PI16: variants seen among roughly 807,000 people sequenced by gnomAD.
PI16 encodes peptidase inhibitor 16.
In PI16, 35 loss-of-function variants were observed where a neutral mutation model predicts 38.0. That is an observed-to-expected ratio of 0.92 (90% CI 0.70 to 1.22). The LOEUF is 1.22. PI16 is among the 50% of genes most tolerant of loss of function. The pLI, the probability that PI16 is intolerant of heterozygous loss-of-function variation, is 0.00. For synonymous variants in PI16, 275 were observed against 252.9 expected, an observed-to-expected ratio of 1.09 and a Z score of -0.83; for missense variants, 572 against 593.8, an observed-to-expected ratio of 0.96 and a Z score of 0.38.
chr6:36,953,658 G>T (rs1315497389), upstream of PI16, among the ~76,000 whole-genome samples: 3 of 152,048 alleles, frequency 2.0e-5, no homozygotes, highest in African/African-American at 7.2e-5. Flanking sequence ...ATTCATTGAA[G>T]AAGCAGGCTT....
intron 1 of PI16, among the ~76,000 whole-genome samples, chr6:36,948,845 A>G (rs1337911915): frequency 6.9e-6 from 1 of 145,684 alleles, no homozygotes; most frequent in African/African-American, 2.6e-5. Flanking sequence ...CCCGGGCTGG[A>G]GTGCAGTGGC....
chr6:36,949,533 G>A (rs1261974208), intron 1 of PI16, among the ~76,000 whole-genome samples: 3 of 152,156 alleles, frequency 2.0e-5, no homozygotes, highest in African/African-American at 7.2e-5. Context: ...AACACCCTGG[G>A]ACAGCTGCCC....
intron 1 of PI16, among the ~76,000 whole-genome samples, chr6:36,957,796 T>C (rs1347830371): frequency 6.6e-6 from 1 of 152,218 alleles, no homozygotes; most frequent in Non-Finnish European, 1.5e-5. Context: ...CAAGTATCTG[T>C]TGAGCACCTA....
At chr6:36,952,305 T>G (rs892065023), upstream of PI16, among the ~76,000 whole-genome samples, 1 of 152,226 alleles carries the variant, frequency 6.6e-6, no homozygotes, top group Non-Finnish European at 1.5e-5. Context: ...CCGAAAGTTC[T>G]TAATTTTAAT....
At chr6:36,952,645 C>A (rs141966358), upstream of PI16, among the ~76,000 whole-genome samples, 7 of 152,258 alleles carry the variant, frequency 4.6e-5, no homozygotes, top group African/African-American at 1.7e-4. Flanking sequence ...CTATTCTATT[C>A]CATTAGTCTA....
chr6:36,959,529 C>T (rs1763298573), intron 2 of PI16, among the ~76,000 whole-genome samples, 163 bp downstream of exon 2: 1 of 152,242 alleles, frequency 6.6e-6, no homozygotes, highest in Non-Finnish European at 1.5e-5. Flanking sequence ...AAATCTTGTC[C>T]TCTCACTGCA....
intron 1 of PI16, among the ~76,000 whole-genome samples, chr6:36,956,787 C>G (rs1010930708): frequency 6.6e-6 from 1 of 152,140 alleles, no homozygotes; most frequent in Non-Finnish European, 1.5e-5. Flanking sequence ...AGAAGAATGC[C>G]TGGCACACAG....
chr6:36,963,976 A>AT lies in PI16; in HGVS notation c.*18+14_*18+15insT, dbSNP rs1373088300. The AT allele has an allele frequency of 2.1e-5, 34 of 1,598,060 alleles. No individual in the cohort carries two copies. The highest frequency in any genetic ancestry group is 2.7e-5 in the Non-Finnish European group (32 of 1,173,368). On this transcript the variant is annotated intron_variant, in intron 6 of 6. Coordinates refer to ENST00000373674, the MANE Select transcript of PI16 (RefSeq NM_153370.3). Reference sequence around the variant, plus strand: ...TACCACTCAAAGGCAAGGCCTGGTGAGGGGGGCCCTGGCCTCATACCCACC... The same window carrying AT: ...TACCACTCAAAGGCAAGGCCTGGTGATGGGGGGCCCTGGCCTCATACCCACC...
intron 1 of PI16, among the ~76,000 whole-genome samples, chr6:36,956,644 T>C (rs1201462040): frequency 6.6e-6 from 1 of 152,246 alleles, no homozygotes; most frequent in Non-Finnish European, 1.5e-5. Flanking sequence ...TTATTAGCTT[T>C]GTGACCTTGG....
rs984049270 is a variant in PI16 at position 36,962,455 on chromosome 6, C to A, written c.593-480C>A. ...CAACTGTGTCAATCACCAGAAGTAA[C>A]GTTTCTTTTCTTTTCTTTTTTCTTT... On this transcript the variant is annotated intron_variant, in intron 4 of 6. Transcript: ENST00000373674. The surrounding 1 kb of genome is among the most constrained non-coding windows in gnomAD (Gnocchi z 4.1). Among the ~76,000 whole-genome samples the A allele has an allele frequency of 1.3e-5, 2 of 152,096 alleles. No individual in the cohort carries two copies. The highest frequency in any genetic ancestry group is 4.8e-5 in the African/African-American group (2 of 41,420).
At chr6:36,952,564 T>C (rs2150732960), upstream of PI16, among the ~76,000 whole-genome samples, 1 of 152,338 alleles carries the variant, frequency 6.6e-6, no homozygotes, top group Admixed American at 6.5e-5. Flanking sequence ...GACTTGCCTT[T>C]CCCTCGTTGA....
In PI16 at chr6:36,959,359, A is replaced by G. The variant is rs1415770347; in HGVS notation, c.386A>G (p.Tyr129Cys). ...AGCCCAGGCCAGATGTGCGGCCACT[A>G]CACGCAGGTGTGGGCCCGGCGGGCG... ...TCSPGQMCGH[Y>C]TQVVWAKTER... Residue 129 changes from tyrosine to cysteine, a missense_variant, in exon 2 of 7, where the codon TAC becomes TGC. Physicochemically the swap from Tyr to Cys is radical, Grantham distance 194. Transcript: ENST00000373674. 2 of 1,555,288 alleles carry G rather than the reference A, an allele frequency of 1.3e-6. No homozygotes were observed. The highest frequency in any genetic ancestry group is 3.9e-5 in the Admixed American group (2 of 51,798).
upstream of PI16, among the ~76,000 whole-genome samples, chr6:36,950,095 TG>T (rs1218734490): frequency 6.6e-6 from 1 of 152,194 alleles, no homozygotes; most frequent in Non-Finnish European, 1.5e-5. This position sits in a 1 kb window ranked among gnomAD's most constrained non-coding sequence, Gnocchi z 4.2. Context: ...GCATTAAGTA[TG>T]GACTTTCACA....
chr6:36,959,377 G>C lies in PI16; in HGVS notation c.393+11G>C. 3 of 1,541,632 alleles carry C rather than the reference G, an allele frequency of 1.9e-6. No homozygotes were observed. Among genetic ancestry groups the C allele is most frequent in the East Asian group, 2.4e-5 (1 of 40,838 alleles). Reference sequence around the variant, plus strand: ...GGCCACTACACGCAGGTGTGGGCCCGGCGGGCGAGGCGGGGCGGAGCCTCG... The same window carrying C: ...GGCCACTACACGCAGGTGTGGGCCCCGCGGGCGAGGCGGGGCGGAGCCTCG... On this transcript the variant is annotated intron_variant, in intron 2 of 6. Transcript: ENST00000373674.
In PI16 at chr6:36,963,273, A is replaced by T. The variant is rs1163947326; in HGVS notation, c.931A>T (p.Thr311Ser). The change falls in exon 5 of 7, where the codon ACC (threonine) becomes TCC (serine). Residue 311 changes from threonine (T) to serine (S), a missense_variant. Coordinates refer to ENST00000373674, the MANE Select transcript of PI16 (RefSeq NM_153370.3). ...DEEPVTFPKS[T>S]HVPIPKSADK... ...GGAGCCAGTTACCTTCCCCAAATCG[A>T]CCCATGTTCCTATCCCAAAATCAGC... 2 of 1,614,066 alleles carry T rather than the reference A, an allele frequency of 1.2e-6. No homozygotes were observed. Among genetic ancestry groups the T allele is most frequent in the South Asian group, 2.2e-5 (2 of 91,066 alleles).
rs1212327018 is a variant in PI16, at chr6:36,961,517, G to A, written c.460G>A (p.Glu154Lys). 1.9e-6 allele frequency: 3 copies of A among 1,614,210 alleles called. No individual in the cohort carries two copies. The highest frequency in any genetic ancestry group is 2.5e-6 in the Non-Finnish European group (3 of 1,180,038). ...CTTCTGTGAGAAGCTCCAGGGTGTT[G>A]AGGAGACCAACATCGAATTACTGGT... is the stretch of plus-strand genomic sequence containing the variant. ...SHFCEKLQGV[E>K]ETNIELLVCN... Residue 154 changes from glutamate to lysine, a missense_variant, in exon 3 of 7, where the codon GAG becomes AAG. By Grantham distance (56) the Glu-to-Lys change is moderately conservative. Coordinates refer to ENST00000373674, the MANE Select transcript of PI16 (RefSeq NM_153370.3).
At chr6:36,952,347 T>G (rs904648671), upstream of PI16, among the ~76,000 whole-genome samples, 1 of 152,226 alleles carries the variant, frequency 6.6e-6, no homozygotes, top group Non-Finnish European at 1.5e-5. Flanking sequence ...TTGTTGCCTA[T>G]GCTTTTGGTG....
At chr6:36,958,161 G>A (rs1284876838) in intron 1 of PI16, among the ~76,000 whole-genome samples, 1 of 152,228 alleles carries the variant, frequency 6.6e-6, no homozygotes, top group Non-Finnish European at 1.5e-5. Context: ...GGTCACCCAA[G>A]CTCTTGGCGC....
intron 1 of PI16, among the ~76,000 whole-genome samples, chr6:36,949,470 T>A (rs1297702037): frequency 6.6e-6 from 1 of 152,186 alleles, no homozygotes; most frequent in Admixed American, 6.5e-5. Flanking sequence ...AGGAACTCAC[T>A]GAGTTCTCCC....
Sources: allele counts gnomAD v4.1 joint callset (sites outside exome capture counted in the v4.1 genomes callset), GRCh38; gene constraint gnomAD v4.1.1; non-coding constraint Gnocchi (gnomAD v3.1); transcripts MANE v1.5; gene names NCBI Gene and HGNC (gene_info 2026-07-23, HGNC 2026-07-21).